NEBL: variants seen among roughly 807,000 people sequenced by gnomAD.
NEBL encodes LIM and SH3 protein 2.
In NEBL, 122 loss-of-function variants were observed where a neutral mutation model predicts 140.2. That is an observed-to-expected ratio of 0.87 (90% CI 0.75 to 1.01). The LOEUF is 1.01. NEBL is among the 50% of genes least tolerant of loss of function. The pLI is 0.00. For synonymous variants in NEBL, 436 were observed against 398.9 expected (o/e 1.09, Z -1.11); for missense variants, 1,365 against 1,231.3 (o/e 1.11, Z -1.62).
chr10:21,289,269 C>A (rs1843110649), intron 1 of NEBL, among the ~76,000 whole-genome samples: 1 of 152,086 alleles, frequency 6.6e-6, no homozygotes, highest in Non-Finnish European at 1.5e-5. Flanking sequence ...GCAGGGGAAT[C>A]CTGACACCAG....
chr10:21,040,943 C>T (rs981586208), intron 2 of NEBL, among the ~76,000 whole-genome samples: 1 of 152,160 alleles, frequency 6.6e-6, no homozygotes, highest in Non-Finnish European at 1.5e-5. Flanking sequence ...CCCGAAGCCT[C>T]CCCAGCCATG....
chr10:21,251,318 G>A (rs757692796), intron 2 of NEBL, among the ~76,000 whole-genome samples: 2 of 152,196 alleles, frequency 1.3e-5, no homozygotes, highest in African/African-American at 2.4e-5. Context: ...CCTCTTGGTA[G>A]CTGTGGCCAG....
At chr10:21,026,871 T>C (rs1476511677) in intron 2 of NEBL, among the ~76,000 whole-genome samples, 1 of 152,148 alleles carries the variant, frequency 6.6e-6, no homozygotes, top group East Asian at 1.9e-4. Flanking sequence ...AAGCTGTTTG[T>C]ACAAACAGCT....
chr10:21,042,396 T>G (rs1308425908), intron 2 of NEBL, among the ~76,000 whole-genome samples: 2 of 152,210 alleles, frequency 1.3e-5, no homozygotes, highest in Non-Finnish European at 2.9e-5. Context: ...TTTGAGAATT[T>G]TATGAGTAAG....
At chr10:21,061,446 C>T (rs1178845747) in intron 2 of NEBL, among the ~76,000 whole-genome samples, 5 of 146,142 alleles carry the variant, frequency 3.4e-5, no homozygotes, top group Admixed American at 6.9e-5. Flanking sequence ...TGATATATAT[C>T]GTATATTACA....
rs555138889 is a variant in NEBL, at chr10:21,157,319, C to G, written c.164+15064G>C. Among the ~76,000 whole-genome samples, 12 of 152,150 alleles carry G rather than the reference C, an allele frequency of 7.9e-5. 1 individual carries two copies. The South Asian group carries it at 2.5e-3, about 32-fold the overall frequency. On this transcript the variant is annotated intron_variant, in intron 2 of 6. Transcript: ENST00000417816. ...GTGCAGAGGCTCATGTCTGTAATCC[C>G]AGCACTTTGGGAGGCCGAGGTGGGT...
upstream of NEBL, chr10:20,899,562 T>A (rs1847759645): frequency 2.1e-6 from 1 of 487,276 alleles, no homozygotes; most frequent in African/African-American, 2.0e-5. Flanking sequence ...GAATCAGAAT[T>A]TCAAGCCAAA....
At chr10:21,217,545 GA>G (rs980732531) in intron 3 of NEBL, among the ~76,000 whole-genome samples, 1 of 152,042 alleles carries the variant, frequency 6.6e-6, no homozygotes, top group Non-Finnish European at 1.5e-5. Flanking sequence ...CTGCTGTTGA[GA>G]AAAAAAAGTG....
At chr10:21,292,503 G>T (rs2293438) in intron 1 of NEBL, among the ~76,000 whole-genome samples, 39,202 of 152,070 alleles carry the variant, frequency 0.26, 6,308 homozygotes, top group African/African-American at 0.46. Flanking sequence ...TATTGAAATT[G>T]ACTGAGAAAG....
At chr10:20,817,790 AT>A (rs1470483783) in intron 20 of NEBL, 98 bp from the exon 21 acceptor site, 30 of 996,766 alleles carry the variant, frequency 3.0e-5, no homozygotes, top group South Asian at 5.1e-5. Context: ...CTTTTTACAC[AT>A]TTTTTTCCAC....
chr10:20,793,404 A>T (rs1836190506), intron 26 of NEBL: 34 of 951,768 alleles, frequency 3.6e-5, no homozygotes, highest in Middle Eastern at 5.4e-4. Context: ...GAGATTAAGG[A>T]CTGAGGACAG....
chr10:20,992,660 C>T lies in NEBL; in HGVS notation c.249+27457G>A, dbSNP rs75170688. Among the ~76,000 whole-genome samples, 180 of 152,016 alleles carry T rather than the reference C, an allele frequency of 1.2e-3. 1 individual carries two copies. Among genetic ancestry groups the T allele is most frequent in the South Asian group, 6.2e-3 (30 of 4,816 alleles). ...CCTCCAGACCTAGCTCTCCTACCCT[C>T]GCCTTGAGCTGCCTTCCTTCCCTGA... On this transcript the variant is annotated intron_variant, in intron 3 of 6. Transcript: ENST00000417816.
intron 3 of NEBL, among the ~76,000 whole-genome samples, chr10:21,185,227 T>G (rs1471248258): frequency 2.0e-5 from 3 of 152,162 alleles, no homozygotes; most frequent in Non-Finnish European, 4.4e-5. Flanking sequence ...AGCCGGCTGG[T>G]AACACCCAAG....
rs1840429922 is a variant in NEBL at position 20,831,589 on chromosome 10, GA to G, written c.1450-7del. On this transcript the variant is annotated splice_region_variant and splice_polypyrimidine_tract_variant and intron_variant, in intron 14 of 27. Coordinates refer to ENST00000377122, the MANE Select transcript of NEBL (RefSeq NM_006393.3). ...AGATCTCTTTTATAGTCTTTCTGCA[GA>G]AAATGAAACATACAGTTAGTGCTCT... 1 of 1,569,594 alleles carries G rather than the reference GA, an allele frequency of 6.4e-7. No homozygotes were observed.
At chr10:21,244,440 T>C (rs1347124429) in intron 3 of NEBL, among the ~76,000 whole-genome samples, 2 of 151,726 alleles carry the variant, frequency 1.3e-5, no homozygotes, top group African/African-American at 4.8e-5. Context: ...TGACCTGAGG[T>C]CAGGAGTTCA....
chr10:20,799,294 C>T (rs1344249333), intron 26 of NEBL, among the ~76,000 whole-genome samples: 1 of 152,018 alleles, frequency 6.6e-6, no homozygotes, highest in Admixed American at 6.6e-5. Context: ...TAGTGGGGAC[C>T]ACAGGTACGT....
chr10:21,029,510 C>T lies in NEBL; in HGVS notation c.165-9309G>A, dbSNP rs1158795575. The T allele has an allele frequency of 1.9e-6, 3 of 1,610,296 alleles. No individual in the cohort carries two copies. The East Asian group carries it at 6.7e-5, about 36-fold the overall frequency. ...AACAGGAGAATTCGAGTGGACGTTG[C>T]TGATCAAGCACAGGATACAGACAGG... On this transcript the variant is annotated intron_variant, in intron 2 of 6. Transcript: ENST00000417816.
At chr10:20,836,658 A>G (rs1371290564) in intron 13 of NEBL, among the ~76,000 whole-genome samples, 1 of 152,124 alleles carries the variant, frequency 6.6e-6, no homozygotes, top group East Asian at 1.9e-4. Context: ...TGCAAGAGGG[A>G]GGAGCCTGGC....
At chr10:20,892,689 A>G (rs1847129811) in intron 2 of NEBL, among the ~76,000 whole-genome samples, 1 of 152,148 alleles carries the variant, frequency 6.6e-6, no homozygotes, top group South Asian at 2.1e-4. Context: ...CTCCATTACA[A>G]TTAGGATGAA....
Sources: gnomAD v4.1 joint callset for allele counts (sites outside exome capture counted in the v4.1 genomes callset) on GRCh38, gnomAD v4.1.1 for gene constraint, MANE v1.5 for transcripts, NCBI Gene and HGNC (gene_info 2026-07-23, HGNC 2026-07-21) for gene names.